The following KCNQ3 variants were observed in gnomAD, a reference collection of about 807,000 sequenced individuals.
KCNQ3 encodes the protein potassium voltage-gated channel subfamily Q member 3, also known as potassium voltage-gated channel subfamily KQT member 3.
Under a neutral mutation model 92.5 loss-of-function variants are expected in KCNQ3, and 30 were observed. That is an observed-to-expected ratio of 0.32 (90% confidence interval 0.24 to 0.44). KCNQ3 has a LOEUF of 0.44. Ranked by LOEUF, KCNQ3 falls within the 20% of genes least tolerant of loss-of-function variation. The probability of loss-of-function intolerance (pLI) is 1.00; values close to 1 mark genes in which losing one functional copy is unlikely to be tolerated. For missense variants in KCNQ3, 913 were observed against 1,140.3 expected (o/e 0.80, Z 2.87); for synonymous variants, 450 against 468.8 (o/e 0.96, Z 0.52).
chr8:132,306,432 G>C (rs140307611), intron 1 of KCNQ3, among the ~76,000 whole-genome samples: 3 of 152,254 alleles, frequency 2.0e-5, no homozygotes, highest in African/African-American at 7.2e-5. Flanking sequence ...CTTCAGCCTT[G>C]GAAGATGCCA....
intron 1 of KCNQ3, among the ~76,000 whole-genome samples, chr8:132,408,179 G>A (rs1472900912): frequency 1.3e-5 from 2 of 149,854 alleles, no homozygotes; most frequent in Non-Finnish European, 3.0e-5. Context: ...AAATCATTGT[G>A]GACTATATGT....
At chr8:132,345,396 T>C (rs949879176) in intron 1 of KCNQ3, among the ~76,000 whole-genome samples, 2 of 152,194 alleles carry the variant, frequency 1.3e-5, no homozygotes, top group African/African-American at 4.8e-5. Flanking sequence ...AAGCAACTGG[T>C]AGGTAGTGAG....
At chr8:132,257,703 T>A (rs943139355) in intron 1 of KCNQ3, among the ~76,000 whole-genome samples, 1 of 131,518 alleles carries the variant, frequency 7.6e-6, no homozygotes, top group Non-Finnish European at 1.5e-5. Flanking sequence ...GCTGAGAGCA[T>A]GCCACTGTCC....
intron 1 of KCNQ3, among the ~76,000 whole-genome samples, chr8:132,223,830 C>A (rs1260369380): frequency 6.6e-6 from 1 of 151,960 alleles, no homozygotes; most frequent in African/African-American, 2.4e-5. Flanking sequence ...GTAGGGGGCA[C>A]AATACCTGGC....
chr8:132,320,671 C>T (rs1458961996), intron 1 of KCNQ3, among the ~76,000 whole-genome samples: 1 of 152,090 alleles, frequency 6.6e-6, no homozygotes, highest in Non-Finnish European at 1.5e-5. Context: ...AAATCTAATA[C>T]ATACTGACAG....
At chr8:132,338,890 G>A (rs1563867189) in intron 1 of KCNQ3, among the ~76,000 whole-genome samples, 1 of 152,208 alleles carries the variant, frequency 6.6e-6, no homozygotes. Flanking sequence ...TTCTCTTAAT[G>A]GGGCTTGTAC....
At chr8:132,395,507 C>T (rs142644831) in intron 1 of KCNQ3, among the ~76,000 whole-genome samples, 20 of 152,274 alleles carry the variant, frequency 1.3e-4, no homozygotes, top group East Asian at 7.7e-4. Context: ...CTTAATACAC[C>T]GGTTACTACC....
chr8:132,199,844 A>G (rs1290009011), intron 1 of KCNQ3, among the ~76,000 whole-genome samples: 1 of 149,864 alleles, frequency 6.7e-6, no homozygotes, highest in Non-Finnish European at 1.5e-5. Flanking sequence ...TGGGAAGCTG[A>G]GGTTGGAGTG....
chr8:132,320,124 C>A (rs146642660), intron 1 of KCNQ3, among the ~76,000 whole-genome samples: 1 of 152,184 alleles, frequency 6.6e-6, no homozygotes, highest in African/African-American at 2.4e-5. Context: ...CTTTGGGAAA[C>A]TGGTATGTGG....
chr8:132,287,903 A>T (rs1816722117), intron 1 of KCNQ3, among the ~76,000 whole-genome samples: 2 of 152,220 alleles, frequency 1.3e-5, no homozygotes, highest in Admixed American at 6.5e-5. Context: ...AGTGCCACTG[A>T]AATGTACACT....
intron 1 of KCNQ3, among the ~76,000 whole-genome samples, chr8:132,380,931 G>GAAAAAAAAAAAA (rs553931640): frequency 1.6e-4 from 14 of 87,450 alleles, no homozygotes; most frequent in East Asian, 3.2e-4. Context: ...AATGAAAGCA[G>GAAAAAAAAAAAA]AAAAAAAAAA....
chr8:132,170,202 G>T lies in KCNQ3; in HGVS notation c.1235+132C>A. 2 of 730,116 alleles carry T rather than the reference G, an allele frequency of 2.7e-6. 1 individual carries two copies. The highest frequency in any genetic ancestry group is 4.0e-5 in the Admixed American group (2 of 50,024). 45.2% of individuals were successfully genotyped at this position (730,116 alleles called of 1,614,324 possible). On this transcript the variant is annotated intron_variant, in intron 8 of 14. Transcript: ENST00000388996. The stretch of plus-strand genomic sequence containing the variant: ...CTGTTTAAGCTACCAGATAATTCTA[G>T]GGTGCAGCCCAAATTGGGGAACATT...
Position 132,480,488 on chromosome 8 carries a change from G to T in KCNQ3, c.45C>A (p.Gly15=). 8.5e-7 allele frequency: 1 copy of T among 1,174,612 alleles called. No homozygotes were observed. The highest frequency in any genetic ancestry group is 1.0e-6 in the Non-Finnish European group (1 of 956,288). 72.8% of individuals were successfully genotyped at this position (1,174,612 alleles called of 1,614,324 possible). ...ARRAAGAAGG[G]GDGGGGGGGA... The stretch of plus-strand genomic sequence containing the variant: ...CGCCGCCTCCGCCGCCCCCGTCGCC[G>T]CCGCCGCCAGCCGCCCCCGCCGCCC... Residue 15 remains glycine, a synonymous_variant, in exon 1 of 15, where the codon GGC becomes GGA. Transcript: ENST00000388996.
At chr8:132,269,819 T>G (rs1200898689) in intron 1 of KCNQ3, among the ~76,000 whole-genome samples, 1 of 152,178 alleles carries the variant, frequency 6.6e-6, no homozygotes, top group African/African-American at 2.4e-5. Context: ...CCTCTTTCTA[T>G]GACAACCAGA....
intron 1 of KCNQ3, among the ~76,000 whole-genome samples, chr8:132,432,202 G>A (rs1420196162): frequency 1.3e-5 from 2 of 152,138 alleles, no homozygotes; most frequent in African/African-American, 4.8e-5. Context: ...GGGATGGGAT[G>A]GGGCACTTGG....
At chr8:132,141,391 C>T (rs1825291279) in intron 9 of KCNQ3, 60 bp from the exon 10 acceptor site, 3 of 1,446,462 alleles carry the variant, frequency 2.1e-6, no homozygotes, top group Admixed American at 1.7e-5. Flanking sequence ...TAAAATTTCC[C>T]ATCCCTCCAT....
chr8:132,352,948 T>A (rs1036557016), intron 1 of KCNQ3, among the ~76,000 whole-genome samples: 2 of 151,896 alleles, frequency 1.3e-5, no homozygotes, highest in Non-Finnish European at 2.9e-5. Flanking sequence ...GGCATGAGAG[T>A]GAAGCACACA....
chr8:132,166,189 A>T (rs1025843679), intron 8 of KCNQ3, among the ~76,000 whole-genome samples: 4 of 152,202 alleles, frequency 2.6e-5, no homozygotes, highest in Non-Finnish European at 5.9e-5. Flanking sequence ...CTTTAAAATT[A>T]AAAAATCTGT....
intron 1 of KCNQ3, among the ~76,000 whole-genome samples, chr8:132,310,049 CCT>C (rs1817545313): frequency 6.6e-6 from 1 of 152,146 alleles, no homozygotes; most frequent in Non-Finnish European, 1.5e-5. Context: ...GAAAGCCAGA[CCT>C]TCTCATATAA....
Sources: allele counts gnomAD v4.1 joint callset (sites outside exome capture counted in the v4.1 genomes callset), GRCh38; gene constraint gnomAD v4.1.1; transcripts MANE v1.5; gene names NCBI Gene and HGNC (gene_info 2026-07-23, HGNC 2026-07-21).